Variants in SIK2 observed in about 807,000 individuals in gnomAD.
SIK2 encodes the protein serine/threonine-protein kinase SIK2.
SIK2 carries 29 observed loss-of-function variants against 103.2 expected under a neutral mutation model. That is an observed-to-expected ratio of 0.28 (90% CI 0.21 to 0.38). SIK2 has a LOEUF of 0.38. Among genes scored for constraint, SIK2 ranks in the 10% least tolerant of loss-of-function variants. The pLI is 1.00. For synonymous variants in SIK2, 412 were observed against 446.1 expected (o/e 0.92, Z 0.96); for missense variants, 879 against 1,171.0 (o/e 0.75, Z 3.64).
rs1410777856 is a variant in SIK2, at chr11:111,723,740, C to G, written c.2392C>G (p.Gln798Glu). 6.2e-7 allele frequency: 1 copy of G among 1,614,148 alleles called. No homozygotes were observed. The part of the protein sequence containing the change: ...SPFLSQYQEM[Q>E]LQPLPSTSGP... The stretch of plus-strand genomic sequence containing the variant: ...TTTCCTCAGCCAGTACCAAGAGATG[C>G]AGCTTCAGCCCCTGCCCTCCACTTC... Residue 798 changes from glutamine to glutamate, a missense_variant, in exon 15 of 15, where the codon CAG becomes GAG. Coordinates refer to ENST00000304987, the MANE Select transcript of SIK2 (RefSeq NM_015191.3).
At chr11:111,641,133 G>T (rs1942177523) in intron 3 of SIK2, among the ~76,000 whole-genome samples, 2 of 152,130 alleles carry the variant, frequency 1.3e-5, no homozygotes, top group South Asian at 4.2e-4. Flanking sequence ...ATTGCCTTTT[G>T]TGACTGTTTT....
intron 3 of SIK2, among the ~76,000 whole-genome samples, chr11:111,654,147 T>A (rs921304555): frequency 1.3e-5 from 2 of 152,262 alleles, no homozygotes; most frequent in African/African-American, 4.8e-5. Flanking sequence ...CCTAAGGGAA[T>A]TTCTTTATTG....
rs1943985426 is a variant in SIK2 at position 111,726,887 on chromosome 11, A to G, written c.*2758A>G. The G allele has an allele frequency of 8.3e-6, 11 of 1,322,862 alleles. No homozygotes were observed. In the East Asian group the frequency reaches 2.6e-4, roughly 31 times the overall value. 81.9% of individuals were successfully genotyped at this position (1,322,862 alleles called of 1,614,324 possible). The stretch of plus-strand genomic sequence containing the variant: ...AAGAGACTTTGGTGAGATGAACGTG[A>G]GGTAAAAATTTCGTTCGGCAAAAAG... On this transcript the variant is annotated 3_prime_UTR_variant, in exon 15 of 15. Coordinates refer to ENST00000304987, the MANE Select transcript of SIK2 (RefSeq NM_015191.3).
intron 4 of SIK2, 142 bp from the exon 5 acceptor site, chr11:111,700,744 A>G (rs1472280788): frequency 2.1e-6 from 2 of 969,394 alleles, no homozygotes; most frequent in South Asian, 1.8e-5. Flanking sequence ...CCAGGGAAAC[A>G]TCACAAGATA....
intron 3 of SIK2, among the ~76,000 whole-genome samples, chr11:111,682,856 C>CT (rs1255965853): frequency 6.6e-6 from 1 of 152,166 alleles, no homozygotes; most frequent in Admixed American, 6.5e-5. Context: ...ATTTCTCAGA[C>CT]TATCAAACTG....
chr11:111,664,088 C>A (rs538790959), intron 3 of SIK2, among the ~76,000 whole-genome samples: 1 of 152,338 alleles, frequency 6.6e-6, no homozygotes, highest in African/African-American at 2.4e-5. Flanking sequence ...CACCTTCCAG[C>A]CAGTAAGTGC....
intron 3 of SIK2, among the ~76,000 whole-genome samples, chr11:111,641,224 C>A (rs750808933): frequency 6.6e-6 from 1 of 152,190 alleles, no homozygotes; most frequent in Non-Finnish European, 1.5e-5. Context: ...CCTCACTGAG[C>A]TCTGTATTCC....
intron 8 of SIK2, among the ~76,000 whole-genome samples, chr11:111,706,168 A>C (rs1366502828): frequency 1.3e-5 from 2 of 152,228 alleles, no homozygotes; most frequent in African/African-American, 4.8e-5. Context: ...AAATTAGTTA[A>C]TATCTGTGAA....
Position 111,701,501 on chromosome 11 carries a change from A to G in SIK2, c.653A>G (p.Asp218Gly). 6.2e-7 allele frequency: 1 copy of G among 1,613,948 alleles called. No individual in the cohort carries two copies. Among genetic ancestry groups the G allele is most frequent in the Non-Finnish European group, 8.5e-7 (1 of 1,179,876 alleles). ...CTTGTCTGTGGAGCTCTGCCCTTTG[A>G]TGGACCGACTCTTCCAATTTTGAGG... ...YVLVCGALPF[D>G]GPTLPILRQR... The change falls in exon 6 of 15, where the codon GAT (aspartate) becomes GGT (glycine). Residue 218 changes from aspartate (D) to glycine (G), a missense_variant. Physicochemically the swap from Asp to Gly is moderately conservative, Grantham distance 94 (BLOSUM62 -1). Around this residue, in one of 7 missense-constraint regions of SIK2, gnomAD observed 126 missense variants for 245.5 expected, o/e 0.51. Coordinates refer to ENST00000304987, the MANE Select transcript of SIK2 (RefSeq NM_015191.3). This position sits in a 1 kb window ranked among gnomAD's most constrained non-coding sequence, Gnocchi z 4.2.
chr11:111,707,773 T>C (rs907117422), intron 8 of SIK2, among the ~76,000 whole-genome samples: 16 of 152,098 alleles, frequency 1.1e-4, no homozygotes, highest in Admixed American at 4.6e-4. Flanking sequence ...AGCAAAAAAA[T>C]TGAGGAAACA....
Position 111,602,784 on chromosome 11 carries a change from A to T in SIK2, c.135+86A>T, listed in dbSNP as rs1219366555. 6 of 1,394,104 alleles carry T rather than the reference A, an allele frequency of 4.3e-6. No homozygotes were observed. In the East Asian group the frequency reaches 1.8e-4, roughly 42 times the overall value. The allele number at this position is 1,394,104 out of a possible 1,614,324, so 86.4% of individuals were successfully genotyped here. On this transcript the variant is annotated intron_variant, in intron 1 of 14. Coordinates refer to ENST00000304987, the MANE Select transcript of SIK2 (RefSeq NM_015191.3). The surrounding 1 kb of genome is among the most constrained non-coding windows in gnomAD (Gnocchi z 4.5). ...CGAGAGGGGCGGCCGCAGTGGTGGG[A>T]CCGGGGAGACCCGAGAGGCCGCCTC...
chr11:111,708,552 C>T (rs1051434346), intron 8 of SIK2, among the ~76,000 whole-genome samples: 1 of 151,846 alleles, frequency 6.6e-6, no homozygotes, highest in East Asian at 1.9e-4. Flanking sequence ...ATTTTTTTCT[C>T]ATACATTCTA....
At chr11:111,649,135 C>A (rs576346786) in intron 3 of SIK2, among the ~76,000 whole-genome samples, 19 of 152,284 alleles carry the variant, frequency 1.2e-4, no homozygotes, top group Admixed American at 1.2e-3. Flanking sequence ...CATACTGTAG[C>A]TGGTTAAGAT....
Position 111,705,079 on chromosome 11 carries a change from G to A in SIK2, c.1041G>A (p.Glu347=), listed in dbSNP as rs965013053. ...LKSHRSSFPV[E]QRLDGRQRRP... The stretch of plus-strand genomic sequence containing the variant: ...CACATCGGAGCAGTTTCCCAGTGGA[G>A]CAGAGACTTGATGGCCGCCAGCGTC... The change falls in exon 8 of 15, where the codon GAG becomes GAA. Residue 347 remains glutamate (E), a synonymous_variant. Coordinates refer to ENST00000304987, the MANE Select transcript of SIK2 (RefSeq NM_015191.3). This position sits in a 1 kb window ranked among gnomAD's most constrained non-coding sequence, Gnocchi z 4.3. 2 of 1,606,814 alleles carry A rather than the reference G, an allele frequency of 1.2e-6. No individual in the cohort carries two copies. Among genetic ancestry groups the A allele is most frequent in the African/African-American group, 1.3e-5 (1 of 74,406 alleles).
chr11:111,720,366 T>G, intron 10 of SIK2, 112 bp from the exon 11 acceptor site: 1 of 1,138,608 alleles, frequency 8.8e-7, no homozygotes, highest in Non-Finnish European at 1.2e-6. Context: ...ATGTTTTGAT[T>G]GGAAATTAAG....
At chr11:111,649,155 T>C (rs1942296263) in intron 3 of SIK2, among the ~76,000 whole-genome samples, 1 of 152,196 alleles carries the variant, frequency 6.6e-6, no homozygotes, top group Non-Finnish European at 1.5e-5. Flanking sequence ...TAGTGTCACA[T>C]AGTTTCATTC....
chr11:111,628,830 C>G (rs1188085083), intron 3 of SIK2, among the ~76,000 whole-genome samples: 1 of 151,974 alleles, frequency 6.6e-6, no homozygotes, highest in Non-Finnish European at 1.5e-5. Context: ...TAGACACAAT[C>G]TTTTGAATCT....
At chr11:111,659,483 C>A (rs1259111372) in intron 3 of SIK2, among the ~76,000 whole-genome samples, 1 of 152,120 alleles carries the variant, frequency 6.6e-6, no homozygotes, top group African/African-American at 2.4e-5. Context: ...TAAAAGATAC[C>A]TTTTTTCTTA....
At chr11:111,704,470 C>T (rs1591631523) in intron 7 of SIK2, among the ~76,000 whole-genome samples, 1 of 152,170 alleles carries the variant, frequency 6.6e-6, no homozygotes, top group Admixed American at 6.5e-5. Flanking sequence ...TACCTAAGAA[C>T]GGAGACATAG....
Sources: gnomAD v4.1 joint callset for allele counts (sites outside exome capture counted in the v4.1 genomes callset) on GRCh38, gnomAD v4.1.1 for gene constraint, gnomAD v4.1.1 regional missense constraint, Gnocchi (gnomAD v3.1) non-coding constraint, MANE v1.5 for transcripts, NCBI Gene and HGNC (gene_info 2026-07-23, HGNC 2026-07-21) for gene names.